The following EFCAB3 variants were observed in gnomAD, a reference collection of about 807,000 sequenced individuals.
The protein encoded by EFCAB3 is EF-hand calcium binding domain 3, also known as EF-hand calcium-binding domain-containing protein 3.
A neutral mutation model predicts 42.2 loss-of-function variants in EFCAB3; 36 were observed. The ratio of observed to expected loss-of-function variants is 0.85; its 90% CI spans 0.65 to 1.13. The LOEUF is 1.13. Among genes scored for constraint, EFCAB3 ranks in the 50% most tolerant of loss-of-function variants. The probability of loss-of-function intolerance (pLI) is 0.00; values close to 1 mark genes in which losing one functional copy is unlikely to be tolerated. For missense variants in EFCAB3, 418 were observed against 505.1 expected, an observed-to-expected ratio of 0.83 and a Z score of 1.65; for synonymous variants, 170 against 172.8, an observed-to-expected ratio of 0.98 and a Z score of 0.13.
intron 8 of EFCAB3, among the ~76,000 whole-genome samples, chr17:62,408,032 A>G (rs2070463312): frequency 6.6e-6 from 1 of 152,202 alleles, no homozygotes; most frequent in Non-Finnish European, 1.5e-5. Flanking sequence ...CCACAGGCAA[A>G]TATCATTGAG....
intron 6 of EFCAB3, among the ~76,000 whole-genome samples, chr17:62,403,530 C>T (rs1285591175): frequency 1.3e-5 from 2 of 152,166 alleles, no homozygotes; most frequent in South Asian, 2.1e-4. Context: ...CACTTACCTT[C>T]TAAAAAGCCT....
At chr17:62,382,775 G>A (rs1317334535) in intron 1 of EFCAB3, among the ~76,000 whole-genome samples, 188 bp from the exon 2 acceptor site, 1 of 152,138 alleles carries the variant, frequency 6.6e-6, no homozygotes, top group Non-Finnish European at 1.5e-5. Context: ...CAGAAATCGG[G>A]AACAACGAAG....
At chr17:62,393,552 A>C in intron 4 of EFCAB3, 21 bp from the exon 5 acceptor site, 2 of 1,596,732 alleles carry the variant, frequency 1.3e-6, no homozygotes, top group Non-Finnish European at 1.7e-6. Context: ...CCTTGTCCTG[A>C]GTCTCAGATT....
upstream of EFCAB3, among the ~76,000 whole-genome samples, chr17:62,375,996 C>G (rs1034106563): frequency 6.6e-6 from 1 of 152,148 alleles, no homozygotes; most frequent in Non-Finnish European, 1.5e-5. Flanking sequence ...AGCTCGCCCA[C>G]ATGTTTTCTT....
chr17:62,378,321 A>T (rs1019933059), upstream of EFCAB3, among the ~76,000 whole-genome samples: 8 of 152,284 alleles, frequency 5.3e-5, no homozygotes, highest in African/African-American at 1.9e-4. Context: ...ATCACAGTAC[A>T]ATTTACAAAG....
chr17:62,391,723 A>G, intron 3 of EFCAB3, 99 bp from the exon 4 acceptor site: 1 of 1,246,076 alleles, frequency 8.0e-7, no homozygotes, highest in South Asian at 2.3e-5. Flanking sequence ...TTTTTTTAGA[A>G]CATGATCTCC....
chr17:62,399,469 A>G (rs187217296), intron 6 of EFCAB3, among the ~76,000 whole-genome samples: 3 of 151,878 alleles, frequency 2.0e-5, no homozygotes, highest in Admixed American at 6.6e-5. Context: ...CCTGGCCCCA[A>G]GCCAAAGCCT....
upstream of EFCAB3, among the ~76,000 whole-genome samples, chr17:62,378,217 C>G (rs541213056): frequency 6.6e-6 from 1 of 152,320 alleles, no homozygotes; most frequent in South Asian, 2.1e-4. Context: ...CCACACCACA[C>G]TGAATCACAT....
rs570595763 is a variant in EFCAB3 at position 62,391,774 on chromosome 17, ACTT to A, written c.152-41_152-39del. On this transcript the variant is annotated intron_variant, in intron 3 of 9. Coordinates refer to ENST00000305286, the MANE Select transcript of EFCAB3 (RefSeq NM_173503.4). ...CTGTCCTAGTCCTATTAGTGTATGT[ACTT>A]CTTCTTGAACAACTGTCCTGAATAA... The A allele has an allele frequency of 8.9e-4, 1,418 of 1,594,728 alleles. 19 individuals are homozygous for A. In the South Asian group the frequency reaches 0.013, roughly 15 times the overall value.
rs189526853 is a variant in EFCAB3 at position 62,371,090 on chromosome 17, T to G, written c.34+768T>G. Reference sequence around the variant, plus strand: ...CTGGGCAACAGGGCAAGACCCTGTCTCCTTAAAAAAAGAAAAAAAAAAAAG... The same window carrying G: ...CTGGGCAACAGGGCAAGACCCTGTCGCCTTAAAAAAAGAAAAAAAAAAAAG... On this transcript the variant is annotated intron_variant, in intron 1 of 11. Coordinates refer to the EFCAB3 transcript ENST00000450662. Among the ~76,000 whole-genome samples, 192 of 77,264 alleles carry G rather than the reference T, an allele frequency of 2.5e-3. 2 individuals carry two copies. Among genetic ancestry groups the G allele is most frequent in the African/African-American group, 7.9e-3 (186 of 23,526 alleles). The allele number at this position is 77,264 out of a possible 152,430, so 50.7% of individuals were successfully genotyped here. A position where few individuals can be genotyped will look rare whatever the true frequency, so the allele number is the denominator to read the frequency against.
intron 2 of EFCAB3, among the ~76,000 whole-genome samples, chr17:62,375,454 A>AT (rs978534382): frequency 1.3e-5 from 2 of 152,170 alleles, no homozygotes; most frequent in Non-Finnish European, 2.9e-5. Flanking sequence ...ACCAATAAGT[A>AT]TTTTTTGAGC....
In EFCAB3 at chr17:62,390,233, AATG is replaced by A. The variant is rs112737890; in HGVS notation, c.152-1586_152-1584del. ...GGATTGATATAATAGAAAATGAAAA[AATG>A]ATATTTCCCTTACCTAAGAGGAGAC... is the stretch of plus-strand genomic sequence containing the variant. On this transcript the variant is annotated intron_variant, in intron 3 of 9. Coordinates refer to ENST00000305286, the MANE Select transcript of EFCAB3 (RefSeq NM_173503.4). Among the ~76,000 whole-genome samples the A allele has an allele frequency of 4.5e-3, 691 of 152,330 alleles. 3 individuals are homozygous for A. Among genetic ancestry groups the A allele is most frequent in the African/African-American group, 0.016 (653 of 41,562 alleles).
At chr17:62,387,620 A>G (rs556868386) in intron 3 of EFCAB3, among the ~76,000 whole-genome samples, 4 of 152,348 alleles carry the variant, frequency 2.6e-5, no homozygotes, top group Non-Finnish European at 1.5e-5. Flanking sequence ...AGTGCTGGTC[A>G]AATAACTGTA....
chr17:62,387,417 G>GTAATGAGAA lies in EFCAB3; in HGVS notation c.151+3_151+11dup. The GTAATGAGAA allele has an allele frequency of 6.2e-7, 1 of 1,609,774 alleles. No individual in the cohort carries two copies. The highest frequency in any genetic ancestry group is 8.5e-7 in the Non-Finnish European group (1 of 1,177,506). ...AAGCTAAGTGCTTCACAAATGGCAG[G>GTAATGAGAA]TAATGAGAATCATCCTCAAAATTGA... On this transcript the variant is annotated splice_donor_variant, in intron 3 of 9. Coordinates refer to ENST00000305286, the MANE Select transcript of EFCAB3 (RefSeq NM_173503.4). LOFTEE classifies it high-confidence loss of function.
chr17:62,390,647 A>G (rs1166636071), intron 3 of EFCAB3, among the ~76,000 whole-genome samples: 3 of 152,220 alleles, frequency 2.0e-5, no homozygotes, highest in Non-Finnish European at 4.4e-5. Context: ...TTGACTGCCT[A>G]CTAACATGCA....
At chr17:62,407,246 C>T (rs982702548) in intron 8 of EFCAB3, 34 bp downstream of exon 8, 2 of 1,480,542 alleles carry the variant, frequency 1.4e-6, no homozygotes, top group East Asian at 4.7e-5. Flanking sequence ...TAGTTAAATA[C>T]TTGGATTTTT....
chr17:62,390,819 C>G (rs532858669), intron 3 of EFCAB3, among the ~76,000 whole-genome samples: 1 of 152,140 alleles, frequency 6.6e-6, no homozygotes, highest in South Asian at 2.1e-4. Context: ...TACATAGAGA[C>G]GCTGAGACTT....
chr17:62,380,356 TC>T (rs956080467), upstream of EFCAB3, among the ~76,000 whole-genome samples: 4 of 152,160 alleles, frequency 2.6e-5, no homozygotes, highest in African/African-American at 9.7e-5. Context: ...ACAAAAATTC[TC>T]CCCCTTCCCT....
At position 62,416,036 on chromosome 17, in the gene EFCAB3, A is replaced by G; in HGVS notation, c.1024A>G (p.Ile342Val). The change falls in exon 10 of 10, where the codon ATT (isoleucine) becomes GTT (valine). Residue 342 changes from isoleucine to valine, a missense_variant. Physicochemically the swap from Ile to Val is conservative, Grantham distance 29. Transcript: ENST00000305286. ...AGCTACTGATACCTATAATTTAGGA[A>G]TTGCCCTTGAACACCGAAAAGAGAT... Reference protein sequence around the residue: ...KRATDTYNLGIALEHRKEMLN... With the variant: ...KRATDTYNLGVALEHRKEMLN... 1 of 1,613,656 alleles carries G rather than the reference A, an allele frequency of 6.2e-7. No homozygotes were observed.
Sources: gnomAD v4.1 joint callset for allele counts (sites outside exome capture counted in the v4.1 genomes callset) on GRCh38, gnomAD v4.1.1 for gene constraint, MANE v1.5 for transcripts, NCBI Gene and HGNC (gene_info 2026-07-23, HGNC 2026-07-21) for gene names.